Variants in CIP2A observed in about 807,000 individuals in gnomAD.
CIP2A encodes the protein cellular inhibitor of PP2A, also known as protein CIP2A.
CIP2A carries 103 observed loss-of-function variants against 110.9 expected under a neutral mutation model. The ratio of observed to expected loss-of-function variants is 0.93; its 90% CI spans 0.79 to 1.09. CIP2A has a LOEUF of 1.09. Among genes scored for constraint, CIP2A ranks in the 50% least tolerant of loss-of-function variants. The pLI, the probability that CIP2A is intolerant of heterozygous loss-of-function variation, is 0.00. For synonymous variants in CIP2A, 381 were observed against 361.6 expected, an observed-to-expected ratio of 1.05 and a Z score of -0.61; for missense variants, 1,088 against 1,038.4, an observed-to-expected ratio of 1.05 and a Z score of -0.66.
intron 17 of CIP2A, among the ~76,000 whole-genome samples, chr3:108,554,908 C>A (rs1424407619): frequency 6.6e-6 from 1 of 152,142 alleles, no homozygotes; most frequent in East Asian, 1.9e-4. Flanking sequence ...TACTTTGATA[C>A]TCAACTACCA....
intron 16 of CIP2A, among the ~76,000 whole-genome samples, chr3:108,558,708 G>A (rs1937895718): frequency 6.6e-6 from 1 of 152,160 alleles, no homozygotes; most frequent in Admixed American, 6.6e-5. Flanking sequence ...TATTTTAACT[G>A]AAATCTGAAG....
rs1309049369 is a variant in CIP2A at position 108,551,269 on chromosome 3, C to G, written c.2598G>C (p.Glu866Asp). Residue 866 changes from glutamate to aspartate, a missense_variant, in exon 21 of 21, where the codon GAG becomes GAC. Physicochemically the swap from Glu to Asp is conservative, Grantham distance 45 (BLOSUM62 2). Coordinates refer to ENST00000295746, the MANE Select transcript of CIP2A (RefSeq NM_020890.3). ...QKAQLEGRLE[E>D]KESLVKLQQE... ...GCTGAAGTTTCACCAAGGACTCTTTCTCTTCCAAACGACCTTCTAATTGTG... is the reference window on the plus strand; with the variant it reads ...GCTGAAGTTTCACCAAGGACTCTTTGTCTTCCAAACGACCTTCTAATTGTG... 6.2e-7 allele frequency: 1 copy of G among 1,612,380 alleles called. No individual in the cohort carries two copies. The highest frequency in any genetic ancestry group is 1.3e-5 in the African/African-American group (1 of 74,854).
At chr3:108,583,147 AC>A in intron 2 of CIP2A, 64 bp from the exon 3 acceptor site, 1 of 835,468 alleles carries the variant, frequency 1.2e-6, no homozygotes, top group Non-Finnish European at 1.8e-6. Context: ...GATAATTCAT[AC>A]AGAATTTATT....
chr3:108,571,182 G>C, intron 8 of CIP2A, among the ~76,000 whole-genome samples: 1 of 152,112 alleles, frequency 6.6e-6, no homozygotes, highest in East Asian at 1.9e-4. Flanking sequence ...TGAAAGACCT[G>C]CCTGGCTGTT....
chr3:108,566,478 T>C lies in CIP2A; in HGVS notation c.1415+19A>G. ...TTTTTACTGCCTTGCCATTTTGTCA[T>C]TAGAGTTTATATACTCACCATAATT... On this transcript the variant is annotated intron_variant, in intron 11 of 20. Coordinates refer to ENST00000295746, the MANE Select transcript of CIP2A (RefSeq NM_020890.3). 1 of 1,578,098 alleles carries C rather than the reference T, an allele frequency of 6.3e-7. No homozygotes were observed. Among genetic ancestry groups the C allele is most frequent in the Non-Finnish European group, 8.6e-7 (1 of 1,165,840 alleles).
In CIP2A at chr3:108,562,215, T is replaced by C. The variant is rs191714048; in HGVS notation, c.1634+911A>G. ...AATCGCTAAATCAGTGAATAGCATA[T>C]AGCATGGACCAGCACTTTTTCTTAT... On this transcript the variant is annotated intron_variant, in intron 13 of 20. Coordinates refer to ENST00000295746, the MANE Select transcript of CIP2A (RefSeq NM_020890.3). Among the ~76,000 whole-genome samples the C allele has an allele frequency of 8.5e-5, 13 of 152,278 alleles. No homozygotes were observed. The East Asian group carries it at 1.5e-3, about 18-fold the overall frequency.
chr3:108,554,248 A>C (rs928396191), intron 18 of CIP2A, 128 bp downstream of exon 18: 4 of 539,188 alleles, frequency 7.4e-6, no homozygotes, highest in Admixed American at 3.6e-5. Flanking sequence ...CACCAAATAC[A>C]TATCTTATAT....
At chr3:108,573,514 T>G (rs1032875806) in intron 8 of CIP2A, among the ~76,000 whole-genome samples, 11 of 151,958 alleles carry the variant, frequency 7.2e-5, no homozygotes, top group African/African-American at 2.7e-4. Context: ...ATGCTTCTAC[T>G]CCCCTGTGCT....
At chr3:108,567,671 C>T (rs1215745511) in intron 10 of CIP2A, among the ~76,000 whole-genome samples, 1 of 151,728 alleles carries the variant, frequency 6.6e-6, no homozygotes, top group African/African-American at 2.4e-5. Flanking sequence ...ATTATTAAAG[C>T]AATTATGAAG....
rs565488544 is a variant in CIP2A, at chr3:108,567,159, C to T, written c.1274-521G>A. On this transcript the variant is annotated intron_variant, in intron 10 of 20. Transcript: ENST00000295746. ...AATCACAAACAAAAAAGCCAACATGCAAACACACACCACCTAATGATTTCA... is the reference window on the plus strand; with the variant it reads ...AATCACAAACAAAAAAGCCAACATGTAAACACACACCACCTAATGATTTCA... Among the ~76,000 whole-genome samples the T allele has an allele frequency of 4.6e-5, 7 of 151,798 alleles. No homozygotes were observed. In the South Asian group the frequency reaches 8.3e-4, roughly 18 times the overall value.
chr3:108,560,929 AT>A (rs1937987515), intron 13 of CIP2A, 88 bp from the exon 14 acceptor site: 2 of 790,658 alleles, frequency 2.5e-6, no homozygotes, highest in Non-Finnish European at 1.9e-6. Context: ...ATTTTTAAGA[AT>A]GGGTCCTTTT....
At position 108,552,261 on chromosome 3, in the gene CIP2A, T is replaced by A; in HGVS notation, c.2520A>T (p.Glu840Asp). ...TAATGCTCAACTCTTTTCTTATCTGTTCTGTTCTGCTTAATTCTTTTCTAA... is the reference window on the plus strand; with the variant it reads ...TAATGCTCAACTCTTTTCTTATCTGATCTGTTCTGCTTAATTCTTTTCTAA... Reference protein sequence around the residue: ...DILRKELSRTEQIRKELSIKA... With the variant: ...DILRKELSRTDQIRKELSIKA... Residue 840 changes from glutamate to aspartate, a missense_variant, in exon 20 of 21, where the codon GAA (glutamate) becomes GAT (aspartate). Glu to Asp is a conservative substitution (Grantham distance 45). Coordinates refer to ENST00000295746, the MANE Select transcript of CIP2A (RefSeq NM_020890.3). 1 of 1,575,304 alleles carries A rather than the reference T, an allele frequency of 6.3e-7. No individual in the cohort carries two copies. The highest frequency in any genetic ancestry group is 1.4e-5 in the African/African-American group (1 of 72,424).
Position 108,575,889 on chromosome 3 carries a change from T to TATATATACGTATATACACATATAC in CIP2A, c.894+381_894+382insGTATATGTGTATATACGTATATAT, listed in dbSNP as rs71103480. ...ACGTATATATACTCATATACATGTGTATGAGTATATATACATATATACATA... is the reference window on the plus strand; with the variant it reads ...ACGTATATATACTCATATACATGTGTATATATACGTATATACACATATACATGAGTATATATACATATATACATA... On this transcript the variant is annotated intron_variant, in intron 8 of 20. Transcript: ENST00000295746. Among the ~76,000 whole-genome samples, 17 of 46,550 alleles carry TATATATACGTATATACACATATAC rather than the reference T, an allele frequency of 3.7e-4. 5 individuals are homozygous for TATATATACGTATATACACATATAC. Among genetic ancestry groups the TATATATACGTATATACACATATAC allele is most frequent in the African/African-American group, 1.1e-3 (17 of 16,160 alleles). 30.5% of individuals were successfully genotyped at this position (46,550 alleles called of 152,430 possible).
rs1317595366 is a variant in CIP2A at position 108,566,497 on chromosome 3, C to T, written c.1415G>A (p.Cys472Tyr). The T allele has an allele frequency of 1.2e-6, 2 of 1,605,586 alleles. No homozygotes were observed. Among genetic ancestry groups the T allele is most frequent in the South Asian group, 1.1e-5 (1 of 89,568 alleles). Reference sequence around the variant, plus strand: ...TTGTCATTAGAGTTTATATACTCACCATAATTCAGAATCTGCAACCTTTGT... The same window carrying T: ...TTGTCATTAGAGTTTATATACTCACTATAATTCAGAATCTGCAACCTTTGT... ...FGTKVADSELCKLAADVILKT... is the reference protein window; with the variant it reads ...FGTKVADSELYKLAADVILKT... Residue 472 changes from cysteine to tyrosine, a missense_variant and splice_region_variant, in exon 11 of 21, where the codon TGC becomes TAC. By Grantham distance (194) the Cys-to-Tyr change is radical. Coordinates refer to ENST00000295746, the MANE Select transcript of CIP2A (RefSeq NM_020890.3).
In CIP2A at chr3:108,557,584, CTG is replaced by C. The variant is rs548988413; in HGVS notation, c.2014-172_2014-171del. Among the ~76,000 whole-genome samples the C allele has an allele frequency of 3.3e-5, 5 of 152,126 alleles. No homozygotes were observed. In the South Asian group the frequency reaches 1.0e-3, roughly 32 times the overall value. On this transcript the variant is annotated intron_variant, in intron 16 of 20. Transcript: ENST00000295746. ...GACTTTACTTCTAATAAGTTGGATA[CTG>C]TTATATTTTTTTAACTTAATACATT...
chr3:108,584,201 T>G (rs1938972091), intron 2 of CIP2A, among the ~76,000 whole-genome samples: 1 of 152,132 alleles, frequency 6.6e-6, no homozygotes, highest in Admixed American at 6.6e-5. Flanking sequence ...TGTCCACTAT[T>G]AGGGGAATAG....
chr3:108,554,997 A>C (rs1347664454), intron 17 of CIP2A, among the ~76,000 whole-genome samples: 3 of 152,072 alleles, frequency 2.0e-5, no homozygotes, highest in Admixed American at 6.6e-5. Flanking sequence ...CAAAACAAAC[A>C]AAAAAAACCA....
intron 1 of CIP2A, among the ~76,000 whole-genome samples, chr3:108,587,640 T>C (rs183828620): frequency 1.3e-5 from 2 of 152,338 alleles, no homozygotes; most frequent in Non-Finnish European, 2.9e-5. Flanking sequence ...TATCTCTTAA[T>C]TACAAAAAGT....
At chr3:108,563,267 AAGAAGCAGC>A in intron 12 of CIP2A, 23 bp from the exon 13 acceptor site, 3 of 1,353,244 alleles carry the variant, frequency 2.2e-6, no homozygotes, top group Middle Eastern at 3.6e-4. Context: ...GAAACCAAAA[AAGAAGCAGC>A]AGAAAGAATA....
Sources: gnomAD v4.1 joint callset for allele counts (sites outside exome capture counted in the v4.1 genomes callset) on GRCh38, gnomAD v4.1.1 for gene constraint, MANE v1.5 for transcripts, NCBI Gene and HGNC (gene_info 2026-07-23, HGNC 2026-07-21) for gene names.